The following VWA5A variants were observed in gnomAD, a reference collection of about 807,000 sequenced individuals.
VWA5A encodes von Willebrand factor A domain containing 5A.
In VWA5A, 77 loss-of-function variants were observed where a neutral mutation model predicts 84.6. The observed-to-expected ratio is 0.91, with a 90% CI of 0.76 to 1.10. The LOEUF is 1.10. Ranked by LOEUF, VWA5A falls within the 50% of genes least tolerant of loss-of-function variation. The pLI is 0.00. For synonymous variants in VWA5A, 334 were observed against 350.1 expected, an observed-to-expected ratio of 0.95 and a Z score of 0.51; for missense variants, 973 against 963.0, an observed-to-expected ratio of 1.01 and a Z score of -0.14.
At chr11:124,137,817 T>C (rs1294623415) in intron 15 of VWA5A, among the ~76,000 whole-genome samples, 1 of 152,218 alleles carries the variant, frequency 6.6e-6, no homozygotes, top group East Asian at 1.9e-4. Context: ...TCTATCTCTA[T>C]ACATTTGCCT....
intron 11 of VWA5A, among the ~76,000 whole-genome samples, chr11:124,127,026 A>G (rs1433515396): frequency 1.3e-5 from 2 of 152,190 alleles, no homozygotes; most frequent in Non-Finnish European, 2.9e-5. Flanking sequence ...TCAATTTTTC[A>G]TTATGTTCTT....
At chr11:124,129,992 G>A (rs1865074494) in intron 11 of VWA5A, among the ~76,000 whole-genome samples, 1 of 152,060 alleles carries the variant, frequency 6.6e-6, no homozygotes, top group Non-Finnish European at 1.5e-5. Context: ...GTTCTGCCCT[G>A]ATCTTAGTTA....
intron 6 of VWA5A, 98 bp downstream of exon 6, chr11:124,118,806 G>A: frequency 4.2e-6 from 6 of 1,433,216 alleles, no homozygotes; most frequent in Non-Finnish European, 5.7e-6. Flanking sequence ...CCCAGAGGGG[G>A]TCCCACATGC....
chr11:124,137,972 C>A (rs1374053192), intron 15 of VWA5A, among the ~76,000 whole-genome samples: 1 of 152,228 alleles, frequency 6.6e-6, no homozygotes, highest in Non-Finnish European at 1.5e-5. Flanking sequence ...AATCCTCCCA[C>A]CTCAGCCTCC....
chr11:124,142,632 T>C (rs1860752757), intron 17 of VWA5A, 60 bp downstream of exon 17: 1 of 1,604,736 alleles, frequency 6.2e-7, no homozygotes, highest in African/African-American at 1.3e-5. Flanking sequence ...TCATTGAGAA[T>C]TGAGGTGATT....
chr11:124,118,123 C>A, intron 4 of VWA5A, 66 bp from the exon 5 acceptor site: 1 of 1,544,314 alleles, frequency 6.5e-7, no homozygotes, highest in Non-Finnish European at 8.8e-7. Flanking sequence ...CACTGCTCGT[C>A]TCTTTTTCAG....
intron 6 of VWA5A, 108 bp downstream of exon 6, chr11:124,118,816 C>A: frequency 7.2e-7 from 1 of 1,387,408 alleles, no homozygotes; most frequent in Non-Finnish European, 9.9e-7. Context: ...GTCCCACATG[C>A]TCCTTGCATA....
chr11:124,124,517 G>T, intron 11 of VWA5A: 2 of 1,328,460 alleles, frequency 1.5e-6, no homozygotes, highest in South Asian at 2.1e-5. Flanking sequence ...CAAAACCATT[G>T]TTTCTTATTC....
chr11:124,141,802 G>A lies in VWA5A; in HGVS notation c.2023+61G>A. 2.5e-6 allele frequency: 4 copies of A among 1,572,568 alleles called. No homozygotes were observed. The East Asian group carries it at 6.8e-5, about 27-fold the overall frequency. Reference sequence around the variant, plus strand: ...TTTTTCTGTCACATATACAGGACTAGGCAAGCTAAAAGCTTGTAGTTACAG... The same window carrying A: ...TTTTTCTGTCACATATACAGGACTAAGCAAGCTAAAAGCTTGTAGTTACAG... On this transcript the variant is annotated intron_variant, in intron 16 of 18. Transcript: ENST00000456829.
At chr11:124,135,632 G>A (rs997805025) in intron 12 of VWA5A, among the ~76,000 whole-genome samples, 2 of 136,776 alleles carry the variant, frequency 1.5e-5, no homozygotes, top group Admixed American at 1.5e-4. Context: ...CCGGGTTCAC[G>A]CCATTCTCCT....
intron 15 of VWA5A, among the ~76,000 whole-genome samples, chr11:124,139,225 T>TTGTGTGTGTG (rs113893702): frequency 0.037 from 5,417 of 147,366 alleles, 174 homozygotes; most frequent in African/African-American, 0.088. Flanking sequence ...AGCATTTTGT[T>TTGTGTGTGTG]TGTGTGTGTG....
In VWA5A at chr11:124,119,050, A is replaced by G. The variant is rs1035798057; in HGVS notation, c.721A>G (p.Ser241Gly). The G allele has an allele frequency of 6.2e-7, 1 of 1,614,218 alleles. No individual in the cohort carries two copies. The highest frequency in any genetic ancestry group is 1.6e-4 in the Middle Eastern group (1 of 6,062). The stretch of plus-strand genomic sequence containing the variant: ...TTACTACAATGAGGTGCATACCCCC[A>G]GCGTGGTTTTGGAGATGGGGATGCC... ...LIYYNEVHTPSVVLEMGMPNM... is the reference protein window; with the variant it reads ...LIYYNEVHTPGVVLEMGMPNM... The change falls in exon 7 of 19, where the codon AGC (serine) becomes GGC (glycine). Residue 241 changes from serine to glycine, a missense_variant. Coordinates refer to ENST00000456829, the MANE Select transcript of VWA5A (RefSeq NM_001130142.2).
chr11:124,141,585 T>G lies in VWA5A; in HGVS notation c.1880-13T>G. The G allele has an allele frequency of 6.2e-7, 1 of 1,613,906 alleles. No homozygotes were observed. Among genetic ancestry groups the G allele is most frequent in the Non-Finnish European group, 8.5e-7 (1 of 1,179,916 alleles). ...CAGGGAGTGCCACTGTCTTAATGTT[T>G]GGATTTTTTCAGGTTTTCGAAAGGC... On this transcript the variant is annotated splice_polypyrimidine_tract_variant and intron_variant, in intron 15 of 18. Transcript: ENST00000456829.
At chr11:124,118,149 TG>T (rs1864865814) in intron 4 of VWA5A, 39 bp from the exon 5 acceptor site, 1 of 1,594,780 alleles carries the variant, frequency 6.3e-7, no homozygotes, top group Non-Finnish European at 8.5e-7. Context: ...TCACCTTGGA[TG>T]TTCCCTTTCT....
rs11440 is a variant in VWA5A at position 124,146,856 on chromosome 11, C to G, written c.*911C>G. On this transcript the variant is annotated 3_prime_UTR_variant, in exon 19 of 19. Coordinates refer to ENST00000456829, the MANE Select transcript of VWA5A (RefSeq NM_001130142.2). ...AAATGACCCTATTTGATATGCTGTC[C>G]CTTAAAATAACTTGTATCAATATTA... The G allele has an allele frequency of 0.048, 7,612 of 158,992 alleles. 614 individuals are homozygous for G. Among genetic ancestry groups the G allele is most frequent in the African/African-American group, 0.17 (6,986 of 41,430 alleles). The allele number at this position is 158,992 out of a possible 1,614,324, so 9.8% of individuals were successfully genotyped here.
intron 6 of VWA5A, 128 bp downstream of exon 6, chr11:124,118,836 A>T: frequency 7.4e-7 from 1 of 1,354,662 alleles, no homozygotes; most frequent in Non-Finnish European, 1.0e-6. Context: ...ATCGTCATTT[A>T]ATCTCCAGAG....
At chr11:124,126,102 C>G (rs571165602) in intron 11 of VWA5A, among the ~76,000 whole-genome samples, 9 of 152,094 alleles carry the variant, frequency 5.9e-5, no homozygotes, top group Non-Finnish European at 1.3e-4. Flanking sequence ...TTCATCTAGA[C>G]GTGTGCTAGA....
intron 7 of VWA5A, among the ~76,000 whole-genome samples, chr11:124,121,508 A>G (rs1295681248): frequency 1.3e-5 from 2 of 151,982 alleles, no homozygotes; most frequent in Non-Finnish European, 2.9e-5. Context: ...CTCATCAGCT[A>G]TTGTTAGTGT....
Position 124,123,473 on chromosome 11 carries a change from A to G in VWA5A, c.1019+19A>G. On this transcript the variant is annotated intron_variant, in intron 9 of 18. Coordinates refer to ENST00000456829, the MANE Select transcript of VWA5A (RefSeq NM_001130142.2). ...GCTTTCCGTAAGTTTCTGGAAAGAC[A>G]ATAGGGAGTACAAAACGAGACTTTA... is the stretch of plus-strand genomic sequence containing the variant. 6.2e-7 allele frequency: 1 copy of G among 1,612,016 alleles called. No individual in the cohort carries two copies. Among genetic ancestry groups the G allele is most frequent in the Non-Finnish European group, 8.5e-7 (1 of 1,178,372 alleles).
Sources: allele counts gnomAD v4.1 joint callset (sites outside exome capture counted in the v4.1 genomes callset), GRCh38; gene constraint gnomAD v4.1.1; transcripts MANE v1.5; gene names NCBI Gene and HGNC (gene_info 2026-07-23, HGNC 2026-07-21).